Variants in DYM observed in about 807,000 individuals in gnomAD.
DYM encodes dyggve-Melchior-Clausen syndrome protein.
DYM carries 78 observed loss-of-function variants against 93.1 expected under a neutral mutation model. The observed-to-expected ratio is 0.84, with a 90% CI of 0.70 to 1.01. The LOEUF (loss-of-function observed/expected upper bound fraction) is 1.01, where lower values mean the gene tolerates loss of function less well. DYM is among the 50% of genes least tolerant of loss of function. DYM has a pLI of 0.00. For synonymous variants in DYM, 321 were observed against 319.7 expected (o/e 1.00, Z -0.04); for missense variants, 789 against 845.0 (o/e 0.93, Z 0.82).
chr18:49,344,841 T>C (rs776909757), intron 6 of DYM, among the ~76,000 whole-genome samples: 3 of 152,186 alleles, frequency 2.0e-5, no homozygotes, highest in African/African-American at 7.2e-5. Flanking sequence ...CAATCATTCA[T>C]TGGGTATCTA....
chr18:49,068,444 G>C (rs1428939787), intron 17 of DYM, among the ~76,000 whole-genome samples: 1 of 152,164 alleles, frequency 6.6e-6, no homozygotes, highest in African/African-American at 2.4e-5. Flanking sequence ...TTAAACAAAA[G>C]CATTTCCCAC....
intron 1 of DYM, among the ~76,000 whole-genome samples, chr18:49,452,002 G>A (rs746428359): frequency 2.2e-4 from 33 of 152,168 alleles, no homozygotes; most frequent in Non-Finnish European, 3.8e-4. Context: ...CACACTTGTG[G>A]GAATTGCTAT....
At chr18:49,188,278 G>A (rs2090638075) in intron 14 of DYM, among the ~76,000 whole-genome samples, 1 of 152,100 alleles carries the variant, frequency 6.6e-6, no homozygotes, top group South Asian at 2.1e-4. Context: ...CATATGAGGT[G>A]GGAAGTAGAA....
At chr18:49,058,817 T>C (rs13380996) in intron 17 of DYM, among the ~76,000 whole-genome samples, 16,830 of 152,192 alleles carry the variant, frequency 0.11, 1,273 homozygotes, top group East Asian at 0.26. Context: ...AAGACACTTA[T>C]ATTTGGGGTT....
chr18:49,097,158 T>A, intron 17 of DYM: 1 of 561,236 alleles, frequency 1.8e-6, no homozygotes, highest in Non-Finnish European at 3.2e-6. Context: ...AAAAATAAGG[T>A]GTCCTTTTAT....
At chr18:49,422,517 T>A (rs527841195) in intron 2 of DYM, among the ~76,000 whole-genome samples, 1 of 152,268 alleles carries the variant, frequency 6.6e-6, no homozygotes. Context: ...GCTAACATCA[T>A]AATGACAGGA....
At chr18:49,166,204 A>G (rs546932647) in intron 14 of DYM, among the ~76,000 whole-genome samples, 1 of 152,340 alleles carries the variant, frequency 6.6e-6, no homozygotes, top group African/African-American at 2.4e-5. Flanking sequence ...GCATTAATGC[A>G]TGTAAACAAA....
chr18:49,324,051 C>T (rs2062705414), intron 8 of DYM, among the ~76,000 whole-genome samples: 1 of 138,494 alleles, frequency 7.2e-6, no homozygotes, highest in African/African-American at 2.7e-5. Flanking sequence ...ACGACAATCG[C>T]TTGAGCCTGG....
chr18:49,212,247 T>G (rs1204176827), intron 13 of DYM, among the ~76,000 whole-genome samples: 1 of 152,186 alleles, frequency 6.6e-6, no homozygotes, highest in Non-Finnish European at 1.5e-5. Flanking sequence ...GATTCCTGAC[T>G]TGGAGGAGAA....
chr18:49,209,590 G>C lies in DYM; in HGVS notation c.1586C>G (p.Ser529Cys), dbSNP rs1462416020. The C allele has an allele frequency of 1.6e-6, 2 of 1,289,616 alleles. No homozygotes were observed. Among genetic ancestry groups the C allele is most frequent in the African/African-American group, 1.5e-5 (1 of 65,870 alleles). 79.9% of individuals were successfully genotyped at this position (1,289,616 alleles called of 1,614,324 possible). The change falls in exon 14 of 18, where the codon TCT becomes TGT. Residue 529 changes from serine (S) to cysteine (C), a missense_variant. By Grantham distance (112) the Ser-to-Cys change is moderately radical. Coordinates refer to ENST00000675505, the MANE Select transcript of DYM (RefSeq NM_001353214.3). ...TLSDNGEELL[S>C]LTCSHILRSY... ...TCTGAGAATGTGAGAGCAAGTTAAA[G>C]ACAAGAGTTCCTCTCCATTGTCACT...
At chr18:49,085,834 C>T (rs1016384612) in intron 17 of DYM, among the ~76,000 whole-genome samples, 22 of 152,054 alleles carry the variant, frequency 1.4e-4, no homozygotes, top group Non-Finnish European at 3.1e-4. Context: ...TCTTGAACGT[C>T]TGACTGGTGA....
At chr18:49,241,354 T>G (rs2094003461) in intron 13 of DYM, among the ~76,000 whole-genome samples, 1 of 152,258 alleles carries the variant, frequency 6.6e-6, no homozygotes, top group Non-Finnish European at 1.5e-5. Flanking sequence ...AGCTCCACAC[T>G]ATTAGCTACA....
At chr18:49,428,482 C>T (rs1320877336) in intron 2 of DYM, among the ~76,000 whole-genome samples, 2 of 151,904 alleles carry the variant, frequency 1.3e-5, no homozygotes, top group Non-Finnish European at 2.9e-5. Context: ...GTCAGGGGTT[C>T]GAGACCAGCC....
chr18:49,265,909 T>C (rs2094562608), intron 11 of DYM, among the ~76,000 whole-genome samples: 1 of 152,022 alleles, frequency 6.6e-6, no homozygotes, highest in South Asian at 2.1e-4. Flanking sequence ...GGGCTGATGG[T>C]AGACAACACA....
At chr18:49,120,564 C>G (rs533637390) in intron 15 of DYM, among the ~76,000 whole-genome samples, 1 of 152,228 alleles carries the variant, frequency 6.6e-6, no homozygotes, top group East Asian at 1.9e-4. Flanking sequence ...TTTTTTAAAT[C>G]TGTGGATGTG....
intron 8 of DYM, among the ~76,000 whole-genome samples, chr18:49,315,613 C>T (rs986656016): frequency 3.9e-5 from 6 of 152,232 alleles, no homozygotes; most frequent in African/African-American, 7.2e-5. Context: ...GACTAAAAGA[C>T]GTGATTTTAA....
At chr18:49,342,534 T>A (rs2064245198) in intron 6 of DYM, among the ~76,000 whole-genome samples, 1 of 152,156 alleles carries the variant, frequency 6.6e-6, no homozygotes, top group Non-Finnish European at 1.5e-5. Flanking sequence ...CTAATTTCAG[T>A]AAGAACCAAA....
At chr18:49,289,855 AAAC>A (rs1208113020) in intron 8 of DYM, among the ~76,000 whole-genome samples, 31 of 148,052 alleles carry the variant, frequency 2.1e-4, no homozygotes, top group African/African-American at 7.7e-4. Flanking sequence ...ACGGAAGTCT[AAAC>A]AATAATTTTT....
chr18:49,407,109 A>G (rs1266669440), intron 2 of DYM, among the ~76,000 whole-genome samples: 3 of 152,236 alleles, frequency 2.0e-5, no homozygotes, highest in Non-Finnish European at 4.4e-5. Context: ...AATGTTACGT[A>G]ATGTAAAATT....
Sources: gnomAD v4.1 joint callset for allele counts (sites outside exome capture counted in the v4.1 genomes callset) on GRCh38, gnomAD v4.1.1 for gene constraint, MANE v1.5 for transcripts, NCBI Gene and HGNC (gene_info 2026-07-23, HGNC 2026-07-21) for gene names.